DEFB110: variants seen among roughly 807,000 people sequenced by gnomAD.
DEFB110 encodes defensin beta 110.
DEFB110 carries 4 observed loss-of-function variants against 2.5 expected under a neutral mutation model. The ratio of observed to expected loss-of-function variants is 1.60; its 90% CI spans 0.79 to 3.66. The LOEUF (loss-of-function observed/expected upper bound fraction) is 3.66. DEFB110 is among the 30% of genes most tolerant of loss of function. The pLI, the probability that DEFB110 is intolerant of heterozygous loss-of-function variation, is 0.01. For synonymous variants in DEFB110, 29 were observed against 21.8 expected (o/e 1.33, Z -0.92); for missense variants, 94 against 75.4 (o/e 1.25, Z -0.91).
chr6:50,012,475 A>G (rs1443981798), intron 1 of DEFB110, among the ~76,000 whole-genome samples: 1 of 151,974 alleles, frequency 6.6e-6, no homozygotes, highest in Non-Finnish European at 1.5e-5. Context: ...CATGTTATTC[A>G]TCAGTTATTT....
chr6:50,009,316 T>G, intron 1 of DEFB110: 1 of 1,541,682 alleles, frequency 6.5e-7, no homozygotes, highest in Non-Finnish European at 8.7e-7. Flanking sequence ...TATTATTGAT[T>G]TGTGGGTTTT....
intron 1 of DEFB110, among the ~76,000 whole-genome samples, chr6:50,020,510 A>T (rs1774400934): frequency 6.6e-6 from 1 of 152,162 alleles, no homozygotes; most frequent in Non-Finnish European, 1.5e-5. Flanking sequence ...TATGAAAACA[A>T]ATAAATTATG....
At chr6:50,021,834 CT>C in intron 1 of DEFB110, 46 bp downstream of exon 1, 1 of 1,493,114 alleles carries the variant, frequency 6.7e-7, no homozygotes, top group East Asian at 2.5e-5. Flanking sequence ...CAACTTATGT[CT>C]TCTCAAATTT....
downstream of DEFB110, among the ~76,000 whole-genome samples, chr6:50,017,833 A>G (rs755258034): frequency 4.6e-5 from 7 of 151,842 alleles, no homozygotes; most frequent in Non-Finnish European, 1.0e-4. Context: ...ATATCAAGAG[A>G]GTAGGAAGCC....
chr6:50,019,085 C>A lies in DEFB110; in HGVS notation c.96G>T (p.Arg32Ser). The A allele has an allele frequency of 6.2e-7, 1 of 1,613,102 alleles. No individual in the cohort carries two copies. Among genetic ancestry groups the A allele is most frequent in the Non-Finnish European group, 8.5e-7 (1 of 1,179,354 alleles). Residue 32 changes from arginine to serine, a missense_variant, in exon 2 of 2, where the codon AGG becomes AGT. Arg to Ser is a moderately radical substitution (Grantham distance 110, BLOSUM62 -1). Coordinates refer to ENST00000371148, the MANE Select transcript of DEFB110 (RefSeq NM_001037497.2). ...GACCATTACCTATTCTGCACTCTCT[C>A]CTCAAGTCCAAGCTACCATACTCAG... ...KYPEYGSLDL[R>S]RECRIGNGQC...
chr6:50,010,729 T>A (rs1443238350), intron 1 of DEFB110, among the ~76,000 whole-genome samples: 1 of 151,666 alleles, frequency 6.6e-6, no homozygotes, highest in South Asian at 2.1e-4. Flanking sequence ...ATGTTTGATA[T>A]AATTTAAAGT....
intron 1 of DEFB110, among the ~76,000 whole-genome samples, chr6:50,021,233 G>A (rs927137727): frequency 2.6e-5 from 4 of 152,204 alleles, no homozygotes; most frequent in Admixed American, 2.0e-4. Context: ...TTTGCTCTAA[G>A]GGGCTGTTCC....
At chr6:50,012,591 T>A (rs1774246823) in intron 1 of DEFB110, among the ~76,000 whole-genome samples, 1 of 151,956 alleles carries the variant, frequency 6.6e-6, no homozygotes, top group Non-Finnish European at 1.5e-5. Flanking sequence ...AATGAGGTAA[T>A]ACATAAGGAA....
At chr6:50,019,759 A>T (rs983828250) in intron 1 of DEFB110, among the ~76,000 whole-genome samples, 1 of 152,058 alleles carries the variant, frequency 6.6e-6, no homozygotes, top group Non-Finnish European at 1.5e-5. Flanking sequence ...TCTTTCACAA[A>T]AAAGTTTCTA....
intron 1 of DEFB110, among the ~76,000 whole-genome samples, chr6:50,012,083 A>G (rs899181916): frequency 1.3e-5 from 2 of 152,068 alleles, no homozygotes; most frequent in Admixed American, 1.3e-4. Context: ...AAAAATTAAT[A>G]AGCCTTCAAA....
At chr6:50,012,945 TG>T (rs1399127439) in intron 1 of DEFB110, among the ~76,000 whole-genome samples, 27 of 151,876 alleles carry the variant, frequency 1.8e-4, no homozygotes, top group Non-Finnish European at 2.4e-4. Flanking sequence ...AAAATGTCCT[TG>T]CATCACAAAA....
At chr6:50,009,303 G>A (rs1774187870) in intron 1 of DEFB110, 3 of 1,565,242 alleles carry the variant, frequency 1.9e-6, no homozygotes. Context: ...AAAGTTATTA[G>A]TCTATTATTG....
chr6:50,012,219 A>G (rs1378200308), intron 1 of DEFB110, among the ~76,000 whole-genome samples: 1 of 151,962 alleles, frequency 6.6e-6, no homozygotes, highest in African/African-American at 2.4e-5. Flanking sequence ...CATTGTTACT[A>G]GTGTTTAATT....
chr6:50,021,062 T>A (rs1361179343), intron 1 of DEFB110, among the ~76,000 whole-genome samples: 1 of 152,176 alleles, frequency 6.6e-6, no homozygotes, highest in Non-Finnish European at 1.5e-5. Context: ...CCTCTACATG[T>A]GTTCTCCAGT....
chr6:50,016,713 G>T (rs1195856294), downstream of DEFB110, among the ~76,000 whole-genome samples: 1 of 151,458 alleles, frequency 6.6e-6, no homozygotes, highest in Non-Finnish European at 1.5e-5. Flanking sequence ...ACACTTAAAA[G>T]ATTTCCTCAG....
intron 1 of DEFB110, among the ~76,000 whole-genome samples, chr6:50,012,860 ATTAT>A (rs895091804): frequency 6.6e-6 from 1 of 151,788 alleles, no homozygotes; most frequent in Non-Finnish European, 1.5e-5. Flanking sequence ...AAAGACAACT[ATTAT>A]TTGTTGGGAG....
At chr6:50,020,857 A>C (rs1278223415) in intron 1 of DEFB110, among the ~76,000 whole-genome samples, 1 of 152,136 alleles carries the variant, frequency 6.6e-6, no homozygotes, top group South Asian at 2.1e-4. Flanking sequence ...TTTTCTGAGG[A>C]GTTATTATTA....
downstream of DEFB110, among the ~76,000 whole-genome samples, chr6:50,018,192 T>G (rs1774350709): frequency 6.6e-6 from 1 of 151,906 alleles, no homozygotes; most frequent in African/African-American, 2.4e-5. Context: ...AGAGTGAAAT[T>G]GAAAAGTGAA....
downstream of DEFB110, among the ~76,000 whole-genome samples, chr6:50,017,768 A>G (rs186796414): frequency 7.7e-4 from 117 of 152,036 alleles, 1 homozygote; most frequent in Non-Finnish European, 1.3e-3. Context: ...GCATACTTAA[A>G]TCTCATATCT....
Sources: gnomAD v4.1 joint callset for allele counts (sites outside exome capture counted in the v4.1 genomes callset) on GRCh38, gnomAD v4.1.1 for gene constraint, MANE v1.5 for transcripts, NCBI Gene and HGNC (gene_info 2026-07-23, HGNC 2026-07-21) for gene names.